The following TIAM2 variants were observed in gnomAD, a reference collection of about 807,000 sequenced individuals.
TIAM2 encodes TIAM Rac1 associated GEF 2.
In TIAM2, 80 loss-of-function variants were observed where a neutral mutation model predicts 152.9. The ratio of observed to expected loss-of-function variants is 0.52; its 90% CI spans 0.44 to 0.63. The LOEUF (loss-of-function observed/expected upper bound fraction) is 0.63, where lower values mean the gene tolerates loss of function less well. TIAM2 is among the 30% of genes least tolerant of loss of function. TIAM2 has a pLI of 0.00. For missense variants in TIAM2, 1,965 were observed against 2,120.1 expected, an observed-to-expected ratio of 0.93 and a Z score of 1.44; for synonymous variants, 804 against 838.0, an observed-to-expected ratio of 0.96 and a Z score of 0.70.
intron 1 of TIAM2, among the ~76,000 whole-genome samples, chr6:155,058,979 G>A (rs920242979): frequency 1.3e-5 from 2 of 152,190 alleles, no homozygotes; most frequent in South Asian, 2.1e-4. Flanking sequence ...CATCTGCCCT[G>A]TAATTTGAAA....
chr6:155,207,142 G>C (rs1299935021), intron 14 of TIAM2, among the ~76,000 whole-genome samples: 1 of 152,142 alleles, frequency 6.6e-6, no homozygotes, highest in Non-Finnish European at 1.5e-5. Flanking sequence ...GAATATAAGG[G>C]GGCTATGTAT....
chr6:155,240,334 G>C (rs1404058267), intron 15 of TIAM2, among the ~76,000 whole-genome samples, 196 bp from the exon 16 acceptor site: 2 of 152,256 alleles, frequency 1.3e-5, no homozygotes, highest in African/African-American at 4.8e-5. Context: ...GAACATGAGT[G>C]TGGGCGCACA....
intron 21 of TIAM2, 135 bp downstream of exon 21, chr6:155,250,104 C>G: frequency 3.2e-6 from 2 of 617,426 alleles, no homozygotes. Flanking sequence ...AACAATGTGT[C>G]TAATGAACTA....
rs1241048043 is a variant in TIAM2, at chr6:155,102,799, GTGTGTGTGTGTA to G, written c.-118+12422_-118+12433del. ...TGTGTGTGTGTGTGTGTGTGTGTGT[GTGTGTGTGTGTA>G]TACATATATTTTCCTCCCAACATTT... On this transcript the variant is annotated intron_variant, in intron 2 of 26. Coordinates refer to ENST00000682666, the MANE Select transcript of TIAM2 (RefSeq NM_012454.4). Among the ~76,000 whole-genome samples, 197 of 136,636 alleles carry G rather than the reference GTGTGTGTGTGTA, an allele frequency of 1.4e-3. 1 individual carries two copies. Among genetic ancestry groups the G allele is most frequent in the African/African-American group, 4.9e-3 (176 of 36,182 alleles). The allele number at this position is 136,636 out of a possible 152,430, so 89.6% of individuals were successfully genotyped here.
At chr6:155,228,759 C>T (rs1003931793) in intron 15 of TIAM2, among the ~76,000 whole-genome samples, 5 of 152,010 alleles carry the variant, frequency 3.3e-5, no homozygotes, top group East Asian at 3.9e-4. Flanking sequence ...ATAAGGAAAC[C>T]GAGCAGAAGG....
intron 2 of TIAM2, among the ~76,000 whole-genome samples, chr6:155,098,100 A>G (rs1365237012): frequency 6.6e-6 from 1 of 152,176 alleles, no homozygotes; most frequent in Non-Finnish European, 1.5e-5. Flanking sequence ...GAAGTCAGGT[A>G]TAGTTTGATG....
chr6:155,144,687 A>G lies in TIAM2; in HGVS notation c.1712A>G (p.Glu571Gly), dbSNP rs1417247994. 6.2e-7 allele frequency: 1 copy of G among 1,610,016 alleles called. No individual in the cohort carries two copies. Among genetic ancestry groups the G allele is most frequent in the African/African-American group, 1.3e-5 (1 of 74,666 alleles). Residue 571 changes from glutamate (E) to glycine (G), a missense_variant, in exon 6 of 27, where the codon GAA (glutamate) becomes GGA (glycine). Physicochemically the swap from Glu to Gly is moderately conservative, Grantham distance 98. Coordinates refer to ENST00000682666, the MANE Select transcript of TIAM2 (RefSeq NM_012454.4). ...SSAPRCALFAEDSIVQSVPEH... is the reference protein window; with the variant it reads ...SSAPRCALFAGDSIVQSVPEH... ...GCCCCTCGGTGTGCTCTGTTTGCAGAAGACAGCATAGTGCAGTCTGTTCCA... is the reference window on the plus strand; with the variant it reads ...GCCCCTCGGTGTGCTCTGTTTGCAGGAGACAGCATAGTGCAGTCTGTTCCA...
chr6:155,038,668 C>A (rs1399567525), intron 1 of TIAM2, among the ~76,000 whole-genome samples: 1 of 152,176 alleles, frequency 6.6e-6, no homozygotes. Flanking sequence ...TGCAGTGGCT[C>A]ATGCCTGTAA....
chr6:155,079,254 G>C (rs576069756), intron 1 of TIAM2, among the ~76,000 whole-genome samples: 1 of 152,146 alleles, frequency 6.6e-6, no homozygotes, highest in East Asian at 1.9e-4. Context: ...TAGAGACTGG[G>C]TTTCACCATG....
chr6:154,998,405 A>G (rs910032824), intron 1 of TIAM2, among the ~76,000 whole-genome samples: 4 of 152,186 alleles, frequency 2.6e-5, no homozygotes, highest in Admixed American at 6.6e-5. Context: ...AGGATCTCCA[A>G]TGAGATCAGT....
At chr6:155,047,646 G>A (rs1217995521) in intron 1 of TIAM2, among the ~76,000 whole-genome samples, 9 of 147,756 alleles carry the variant, frequency 6.1e-5, no homozygotes, top group African/African-American at 7.6e-5. Flanking sequence ...AGGCAGGGGT[G>A]GGGGGAGAGA....
intron 24 of TIAM2, 185 bp downstream of exon 24, chr6:155,253,238 T>C (rs1783780123): frequency 1.9e-6 from 1 of 525,686 alleles, no homozygotes; most frequent in Non-Finnish European, 3.4e-6. Context: ...TAAATGCTGG[T>C]GGATAGCTTT....
At chr6:155,241,105 G>A (rs529604878) in intron 16 of TIAM2, among the ~76,000 whole-genome samples, 36 of 152,304 alleles carry the variant, frequency 2.4e-4, no homozygotes, top group African/African-American at 4.1e-4. Context: ...CAGTCTTGGC[G>A]GTGGCCCGGG....
intron 1 of TIAM2, among the ~76,000 whole-genome samples, chr6:155,053,713 C>T (rs975889805): frequency 4.6e-5 from 7 of 152,008 alleles, no homozygotes; most frequent in African/African-American, 9.7e-5. Context: ...TCAAGTGATT[C>T]GCCTGCCTCA....
chr6:155,184,728 A>T (rs992538481), intron 14 of TIAM2, among the ~76,000 whole-genome samples: 4 of 152,226 alleles, frequency 2.6e-5, no homozygotes, highest in Non-Finnish European at 4.4e-5. Flanking sequence ...TTTTGGAATT[A>T]AAAAATCAGA....
At chr6:155,039,656 C>T (rs73795824) in intron 1 of TIAM2, among the ~76,000 whole-genome samples, 9,152 of 149,132 alleles carry the variant, frequency 0.061, 993 homozygotes, top group African/African-American at 0.22. Context: ...GGTGGGGGGG[C>T]TCTTAAAAAA....
intron 1 of TIAM2, among the ~76,000 whole-genome samples, chr6:155,073,971 G>GT (rs998573725): frequency 9.2e-5 from 14 of 152,160 alleles, no homozygotes; most frequent in Non-Finnish European, 1.6e-4. Context: ...GGAGAGAGAC[G>GT]TAAGGGTGCC....
chr6:155,120,114 G>C (rs1779116310), intron 2 of TIAM2, among the ~76,000 whole-genome samples: 1 of 152,172 alleles, frequency 6.6e-6, no homozygotes, highest in Non-Finnish European at 1.5e-5. Context: ...CTAAGGTGAT[G>C]AACTGGACAA....
Position 155,245,615 on chromosome 6 carries a change from C to G in TIAM2, c.3544-8C>G. 6.2e-7 allele frequency: 1 copy of G among 1,609,538 alleles called. No homozygotes were observed. Among genetic ancestry groups the G allele is most frequent in the Non-Finnish European group, 8.5e-7 (1 of 1,176,018 alleles). ...TGTCTGATTTGACTTTCCCCTCTGC[C>G]CTTCTAGAAATTACTGTTTTCCCTT... is the stretch of plus-strand genomic sequence containing the variant. On this transcript the variant is annotated splice_polypyrimidine_tract_variant and splice_region_variant and intron_variant, in intron 18 of 26. Transcript: ENST00000682666.
Sources: gnomAD v4.1 joint callset for allele counts (sites outside exome capture counted in the v4.1 genomes callset) on GRCh38, gnomAD v4.1.1 for gene constraint, MANE v1.5 for transcripts, NCBI Gene and HGNC (gene_info 2026-07-23, HGNC 2026-07-21) for gene names.